Variants in SLC38A1 observed in about 807,000 individuals in gnomAD.
SLC38A1 encodes solute carrier family 38 member 1.
A neutral mutation model predicts 60.3 loss-of-function variants in SLC38A1; 18 were observed. The observed-to-expected ratio is 0.30, with a 90% CI of 0.21 to 0.44. The LOEUF (loss-of-function observed/expected upper bound fraction) is 0.44, where lower values mean the gene tolerates loss of function less well. SLC38A1 is among the 20% of genes least tolerant of loss of function. The pLI, the probability that SLC38A1 is intolerant of heterozygous loss-of-function variation, is 1.00. For missense variants in SLC38A1, 448 were observed against 587.2 expected, an observed-to-expected ratio of 0.76 and a Z score of 2.45; for synonymous variants, 196 against 212.1, an observed-to-expected ratio of 0.92 and a Z score of 0.66.
intron 3 of SLC38A1, among the ~76,000 whole-genome samples, chr12:46,238,842 CT>C (rs1404237221): frequency 1.3e-5 from 2 of 152,146 alleles, no homozygotes; most frequent in Non-Finnish European, 2.9e-5. Flanking sequence ...CTTTCCTTCT[CT>C]TTTTCTTTTA....
chr12:46,233,754 T>C (rs1941160071), intron 3 of SLC38A1, among the ~76,000 whole-genome samples: 1 of 152,180 alleles, frequency 6.6e-6, no homozygotes, highest in Non-Finnish European at 1.5e-5. Context: ...TAAAACACAT[T>C]ATTTGTAGAG....
At chr12:46,220,281 C>T (rs369845378) in intron 5 of SLC38A1, among the ~76,000 whole-genome samples, 49 of 152,228 alleles carry the variant, frequency 3.2e-4, no homozygotes, top group Admixed American at 8.5e-4. Flanking sequence ...TGCCATTTCT[C>T]CCTCTCCCGG....
At chr12:46,235,515 T>C (rs1245271965) in intron 3 of SLC38A1, among the ~76,000 whole-genome samples, 5 of 152,308 alleles carry the variant, frequency 3.3e-5, no homozygotes, top group African/African-American at 9.6e-5. Flanking sequence ...AAAGCCTTAT[T>C]TGATGGACAA....
rs147525580 is a variant in SLC38A1 at position 46,257,759 on chromosome 12, C to T, written c.-209+10767G>A. 3.0e-3 allele frequency among the ~76,000 whole-genome samples: 454 copies of T among 152,230 alleles called. 3 individuals are homozygous for T. The highest frequency in any genetic ancestry group is 0.01 in the African/African-American group (434 of 41,530). ...TCACAATAGTCGCTTCCACAGTCGC[C>T]AGAAAGATGTTACAAGACCCCAACA... On this transcript the variant is annotated intron_variant, in intron 1 of 16. Transcript: ENST00000398637.
intron 16 of SLC38A1, among the ~76,000 whole-genome samples, chr12:46,193,417 G>A (rs559504105): frequency 6.6e-6 from 1 of 152,288 alleles, no homozygotes; most frequent in South Asian, 2.1e-4. Context: ...CTTGATTTGT[G>A]GTGAAGAGTT....
intron 1 of SLC38A1, among the ~76,000 whole-genome samples, chr12:46,247,866 G>A (rs1346150644): frequency 6.6e-6 from 1 of 152,252 alleles, no homozygotes; most frequent in East Asian, 1.9e-4. Flanking sequence ...CCAGAAGAGA[G>A]TGGGGGCCAA....
At chr12:46,214,807 CT>C (rs1940330220) in intron 5 of SLC38A1, among the ~76,000 whole-genome samples, 1 of 152,160 alleles carries the variant, frequency 6.6e-6, no homozygotes. Context: ...GCATCAGAAC[CT>C]TTGGTAGGGG....
chr12:46,216,575 G>A (rs61928105), intron 5 of SLC38A1, among the ~76,000 whole-genome samples: 2 of 152,298 alleles, frequency 1.3e-5, no homozygotes, highest in African/African-American at 4.8e-5. Context: ...TCCTGGCCAG[G>A]CGCGGTGGCT....
intron 1 of SLC38A1, among the ~76,000 whole-genome samples, chr12:46,244,525 C>T (rs778738257): frequency 1.4e-4 from 22 of 152,214 alleles, no homozygotes; most frequent in Admixed American, 3.9e-4. Context: ...ATCCACTTTA[C>T]TGGTACCATT....
intron 1 of SLC38A1, among the ~76,000 whole-genome samples, chr12:46,254,649 C>G (rs150037967): frequency 6.5e-4 from 99 of 152,266 alleles, no homozygotes; most frequent in African/African-American, 2.3e-3. Context: ...AAGGGATTTG[C>G]TTGGCTTTAC....
At chr12:46,236,817 T>G (rs1941276857) in intron 3 of SLC38A1, among the ~76,000 whole-genome samples, 2 of 152,170 alleles carry the variant, frequency 1.3e-5, no homozygotes, top group South Asian at 4.1e-4. Flanking sequence ...GAATCAGAAT[T>G]GCAGACCCCA....
intron 5 of SLC38A1, among the ~76,000 whole-genome samples, chr12:46,212,002 A>G (rs1176526546): frequency 6.6e-6 from 1 of 152,246 alleles, no homozygotes; most frequent in Non-Finnish European, 1.5e-5. Context: ...TAATAGGATT[A>G]AAATTTAGAA....
chr12:46,262,691 A>G lies in SLC38A1; in HGVS notation c.-209+5835T>C, dbSNP rs1370664074. 2.0e-5 allele frequency among the ~76,000 whole-genome samples: 3 copies of G among 152,238 alleles called. No homozygotes were observed. The East Asian group carries it at 5.8e-4, about 29-fold the overall frequency. The stretch of plus-strand genomic sequence containing the variant: ...GCTAAGTTATGACTCCTAACAAAAT[A>G]CTCAAGGAAAAACAGAAATAATAAG... On this transcript the variant is annotated intron_variant, in intron 1 of 16. Coordinates refer to ENST00000398637, the MANE Select transcript of SLC38A1 (RefSeq NM_030674.4).
In SLC38A1 at chr12:46,189,757, T is replaced by A. The variant is rs1410489257; in HGVS notation, c.1363-686A>T. On this transcript the variant is annotated intron_variant, in intron 16 of 16. Coordinates refer to ENST00000398637, the MANE Select transcript of SLC38A1 (RefSeq NM_030674.4). ...TGCTGTGCTTGTGATAGTGAATAAATCTCATGAGATCTGGTGGTTTTATAA... is the reference window on the plus strand; with the variant it reads ...TGCTGTGCTTGTGATAGTGAATAAAACTCATGAGATCTGGTGGTTTTATAA... 2.6e-5 allele frequency among the ~76,000 whole-genome samples: 4 copies of A among 152,186 alleles called. No homozygotes were observed. In the East Asian group the frequency reaches 7.7e-4, roughly 29 times the overall value.
intron 1 of SLC38A1, among the ~76,000 whole-genome samples, chr12:46,257,816 C>T (rs1942080377): frequency 6.6e-6 from 1 of 152,162 alleles, no homozygotes; most frequent in African/African-American, 2.4e-5. Flanking sequence ...ATAGCCCCTT[C>T]GTGGTTGCCA....
intron 1 of SLC38A1, among the ~76,000 whole-genome samples, chr12:46,246,866 C>T (rs1010056542): frequency 2.6e-5 from 4 of 152,184 alleles, no homozygotes; most frequent in Non-Finnish European, 5.9e-5. Flanking sequence ...TCTGCAGCCT[C>T]CACTGGTGAT....
intron 16 of SLC38A1, 154 bp downstream of exon 16, chr12:46,197,566 A>G (rs1209698883): frequency 3.3e-6 from 2 of 605,354 alleles, no homozygotes; most frequent in South Asian, 2.0e-5. Flanking sequence ...TTCTGATATG[A>G]TATTTTAAAT....
intron 1 of SLC38A1, among the ~76,000 whole-genome samples, chr12:46,264,618 T>A (rs1942296736): frequency 6.6e-6 from 1 of 152,182 alleles, no homozygotes; most frequent in Non-Finnish European, 1.5e-5. Context: ...TTACTTAAAA[T>A]TTTTTTATTT....
In SLC38A1 at chr12:46,184,578, C is replaced by T. The variant is rs1938873369; in HGVS notation, c.*4392G>A. The T allele has an allele frequency of 6.6e-6, 1 of 152,174 alleles. No individual in the cohort carries two copies. Among genetic ancestry groups the T allele is most frequent in the South Asian group, 2.1e-4 (1 of 4,828 alleles). The allele number at this position is 152,174 out of a possible 1,614,324, so 9.4% of individuals were successfully genotyped here. On this transcript the variant is annotated 3_prime_UTR_variant, in exon 17 of 17. Transcript: ENST00000398637. ...TCCAACTAAATGTGCCATAGTCCAACACTGTGCCTCACTGAATTGGAACTC... is the reference window on the plus strand; with the variant it reads ...TCCAACTAAATGTGCCATAGTCCAATACTGTGCCTCACTGAATTGGAACTC...
Sources: gnomAD v4.1 joint callset for allele counts (sites outside exome capture counted in the v4.1 genomes callset) on GRCh38, gnomAD v4.1.1 for gene constraint, MANE v1.5 for transcripts, NCBI Gene and HGNC (gene_info 2026-07-23, HGNC 2026-07-21) for gene names.